Variants in PLEKHA7 observed in about 807,000 individuals in gnomAD.
The protein encoded by PLEKHA7 is pleckstrin homology domain-containing family A member 7.
Under a neutral mutation model 170.0 loss-of-function variants are expected in PLEKHA7, and 104 were observed. That is an observed-to-expected ratio of 0.61 (90% CI 0.52 to 0.72). PLEKHA7 has a LOEUF of 0.72. Among genes scored for constraint, PLEKHA7 ranks in the 30% least tolerant of loss-of-function variants. The pLI is 0.00. For missense variants in PLEKHA7, 1,615 were observed against 1,671.7 expected (o/e 0.97, Z 0.59); for synonymous variants, 648 against 660.8 (o/e 0.98, Z 0.30).
chr11:16,995,764 G>A (rs986863280), intron 3 of PLEKHA7, among the ~76,000 whole-genome samples: 10 of 152,178 alleles, frequency 6.6e-5, no homozygotes, highest in African/African-American at 2.2e-4. Flanking sequence ...GGCATGTCTC[G>A]AATCAAAAAT....
intron 3 of PLEKHA7, among the ~76,000 whole-genome samples, chr11:16,885,904 A>G (rs2135855244): frequency 6.6e-6 from 1 of 152,124 alleles, no homozygotes; most frequent in Middle Eastern, 3.4e-3. Context: ...GGCTTAGGCA[A>G]GAGAATGGCT....
At position 16,974,813 on chromosome 11, in the gene PLEKHA7, C is replaced by T; in HGVS notation, c.221+39176G>A. The T allele has an allele frequency of 2.5e-6, 2 of 792,976 alleles. 1 individual carries two copies. The highest frequency in any genetic ancestry group is 3.1e-6 in the Non-Finnish European group (2 of 635,152). The allele number at this position is 792,976 out of a possible 1,614,324, so 49.1% of individuals were successfully genotyped here. A position where few individuals can be genotyped will look rare whatever the true frequency, so the allele number is the denominator to read the frequency against. On this transcript the variant is annotated intron_variant, in intron 3 of 26. Coordinates refer to ENST00000531066, the MANE Select transcript of PLEKHA7 (RefSeq NM_001329630.2). ...TGGGCTCAACGCACTCAAGCCTTAG[C>T]ACAATCTTCTTTGTAGTTTTAGCCT... is the stretch of plus-strand genomic sequence containing the variant.
intron 16 of PLEKHA7, 75 bp downstream of exon 16, chr11:16,801,593 C>A: frequency 6.4e-7 from 1 of 1,570,702 alleles, no homozygotes. Flanking sequence ...AACTCAACTA[C>A]ATCTTGGGAG....
chr11:16,889,184 CT>C (rs138718787), intron 3 of PLEKHA7, among the ~76,000 whole-genome samples: 25,146 of 151,264 alleles, frequency 0.17, 2,600 homozygotes, highest in Non-Finnish European at 0.24. Context: ...GATCAATCAA[CT>C]TTGTGACATT....
chr11:16,983,546 T>C (rs1429909744), intron 3 of PLEKHA7, among the ~76,000 whole-genome samples: 2 of 152,144 alleles, frequency 1.3e-5, no homozygotes, highest in Non-Finnish European at 2.9e-5. Flanking sequence ...GCAGAATTCA[T>C]AGGGCTGCTG....
At chr11:16,998,926 C>T (rs985367794) in intron 3 of PLEKHA7, among the ~76,000 whole-genome samples, 1 of 150,946 alleles carries the variant, frequency 6.6e-6, no homozygotes, top group African/African-American at 2.4e-5. Flanking sequence ...TGACTTATCC[C>T]CCTCCTCCCA....
At position 16,854,920 on chromosome 11, in the gene PLEKHA7, G is replaced by A; in HGVS notation, c.491C>T (p.Pro164Leu). The change falls in exon 6 of 27, where the codon CCC becomes CTC. Residue 164 changes from proline to leucine, a missense_variant. Transcript: ENST00000531066. ...DQAIRRNPNV[P>L]VVVRGWLHKQ... ...GTGCAGCCAGCCCCTCACCACCACG[G>A]GAACATTGGGGTTCCTCCGAATGGC... 6.2e-7 allele frequency: 1 copy of A among 1,613,970 alleles called. No individual in the cohort carries two copies. Among genetic ancestry groups the A allele is most frequent in the Non-Finnish European group, 8.5e-7 (1 of 1,179,956 alleles).
At chr11:16,936,070 A>G (rs553914354) in intron 3 of PLEKHA7, among the ~76,000 whole-genome samples, 1 of 152,276 alleles carries the variant, frequency 6.6e-6, no homozygotes, top group African/African-American at 2.4e-5. Context: ...ACCTTGCTGA[A>G]TAGAGAAAGT....
At chr11:16,949,117 A>T (rs1007589353) in intron 3 of PLEKHA7, among the ~76,000 whole-genome samples, 5 of 148,450 alleles carry the variant, frequency 3.4e-5, no homozygotes, top group Non-Finnish European at 7.5e-5. Context: ...CCCAACTCCC[A>T]CTCTCTTTAC....
intron 3 of PLEKHA7, among the ~76,000 whole-genome samples, chr11:16,872,704 A>G (rs893002851): frequency 6.6e-6 from 1 of 152,086 alleles, no homozygotes; most frequent in African/African-American, 2.4e-5. Flanking sequence ...GTTTTTTTGT[A>G]GAGATGAGAT....
intron 24 of PLEKHA7, among the ~76,000 whole-genome samples, chr11:16,784,154 C>A (rs978160252): frequency 6.6e-6 from 1 of 152,222 alleles, no homozygotes; most frequent in Non-Finnish European, 1.5e-5. Flanking sequence ...AGTGATCTGA[C>A]CCCTGATGAC....
chr11:16,819,866 C>T (rs1163003739), intron 10 of PLEKHA7, among the ~76,000 whole-genome samples: 1 of 152,136 alleles, frequency 6.6e-6, no homozygotes, highest in Admixed American at 6.5e-5. Flanking sequence ...GGAATAAGTT[C>T]TGGTGACCTA....
intron 3 of PLEKHA7, among the ~76,000 whole-genome samples, chr11:16,899,959 G>A (rs1225836731): frequency 6.6e-6 from 1 of 152,214 alleles, no homozygotes; most frequent in Admixed American, 6.5e-5. Context: ...GGTAGGCAGG[G>A]AAGTGTCAGT....
intron 13 of PLEKHA7, among the ~76,000 whole-genome samples, chr11:16,804,521 G>A (rs911200552): frequency 2.0e-5 from 3 of 152,186 alleles, no homozygotes; most frequent in African/African-American, 7.2e-5. Context: ...AAATCCAAAG[G>A]TCAAGGGAGA....
At position 16,920,118 on chromosome 11, in the gene PLEKHA7, C is replaced by T. The variant is rs117708006; in HGVS notation, c.222-48936G>A. Among the ~76,000 whole-genome samples, 1,486 of 152,310 alleles carry T rather than the reference C, an allele frequency of 9.8e-3. 10 individuals carry two copies. The highest frequency in any genetic ancestry group is 0.015 in the Non-Finnish European group (1,004 of 68,030). On this transcript the variant is annotated intron_variant, in intron 3 of 26. Transcript: ENST00000531066. The stretch of plus-strand genomic sequence containing the variant: ...TTGATGGGGGATTAAATGTGAGTAA[C>T]TTGTATAAAGCACATGGAAAGGGCT...
Position 16,790,917 on chromosome 11 carries a change from T to A in PLEKHA7, c.2935-2A>T. 6.2e-7 allele frequency: 1 copy of A among 1,613,656 alleles called. No homozygotes were observed. On this transcript the variant is annotated splice_acceptor_variant, in intron 20 of 26. Transcript: ENST00000531066. LOFTEE classifies it high-confidence loss of function. ...ACTGACATACGACCGCAGCTCCACC[T>A]GTGGGCAGAGTCCCAGGTGATGTGA...
chr11:16,947,824 G>A (rs1311822244), intron 3 of PLEKHA7, among the ~76,000 whole-genome samples: 1 of 149,294 alleles, frequency 6.7e-6, no homozygotes, highest in Non-Finnish European at 1.5e-5. Flanking sequence ...GCTGAGGCAC[G>A]AGAATTACTT....
At chr11:17,001,462 C>A (rs773269436) in intron 3 of PLEKHA7, among the ~76,000 whole-genome samples, 1 of 152,156 alleles carries the variant, frequency 6.6e-6, no homozygotes, top group Non-Finnish European at 1.5e-5. Flanking sequence ...AGTGAACGAA[C>A]CTAAACCATT....
At position 16,777,481 on chromosome 11, in the gene PLEKHA7, T is replaced by G. The variant is rs1467244678; in HGVS notation, c.*1517A>C. The G allele has an allele frequency of 6.6e-6, 1 of 152,194 alleles. No homozygotes were observed. Among genetic ancestry groups the G allele is most frequent in the Non-Finnish European group, 1.5e-5 (1 of 68,012 alleles). 9.4% of individuals were successfully genotyped at this position (152,194 alleles called of 1,614,324 possible). ...GGCAGCATATGGAGTTAGTTAAAAATAGACAACAACTGCTAGATATATTCA... is the reference window on the plus strand; with the variant it reads ...GGCAGCATATGGAGTTAGTTAAAAAGAGACAACAACTGCTAGATATATTCA... On this transcript the variant is annotated 3_prime_UTR_variant, in exon 27 of 27. Coordinates refer to ENST00000531066, the MANE Select transcript of PLEKHA7 (RefSeq NM_001329630.2).
Sources: gnomAD v4.1 joint callset for allele counts (sites outside exome capture counted in the v4.1 genomes callset) on GRCh38, gnomAD v4.1.1 for gene constraint, MANE v1.5 for transcripts, NCBI Gene and HGNC (gene_info 2026-07-23, HGNC 2026-07-21) for gene names.